Variants in KDM2A observed in about 807,000 individuals in gnomAD.
KDM2A encodes the protein lysine demethylase 2A, also known as lysine-specific demethylase 2A.
KDM2A carries 3 observed loss-of-function variants against 137.3 expected under a neutral mutation model. The ratio of observed to expected loss-of-function variants is 0.02; its 90% CI spans 0.01 to 0.06. The LOEUF is 0.06. Among genes scored for constraint, KDM2A ranks in the 10% least tolerant of loss-of-function variants. The pLI is 1.00. For missense variants in KDM2A, 738 were observed against 1,510.6 expected, an observed-to-expected ratio of 0.49 and a Z score of 8.48; for synonymous variants, 512 against 541.5, an observed-to-expected ratio of 0.95 and a Z score of 0.76.
intron 2 of KDM2A, among the ~76,000 whole-genome samples, chr11:67,168,489 A>G (rs1322229372): frequency 6.6e-6 from 1 of 151,762 alleles, no homozygotes. Context: ...TAATTTTTGT[A>G]TACAGAGTGT....
At chr11:67,206,688 G>A (rs1364551418) in intron 5 of KDM2A, among the ~76,000 whole-genome samples, 1 of 151,922 alleles carries the variant, frequency 6.6e-6, no homozygotes, top group Non-Finnish European at 1.5e-5. Context: ...AGTGAGCCGA[G>A]AGCGTGCCAC....
At chr11:67,181,455 G>C in intron 4 of KDM2A, 57 bp downstream of exon 4, 1 of 1,119,270 alleles carries the variant, frequency 8.9e-7, no homozygotes. Flanking sequence ...TACACCCAGG[G>C]CAATAAACAG....
intron 2 of KDM2A, among the ~76,000 whole-genome samples, chr11:67,147,796 A>G (rs577067431): frequency 1.2e-3 from 181 of 151,470 alleles, no homozygotes; most frequent in African/African-American, 4.2e-3. Flanking sequence ...TCCAGCCTCA[A>G]CCTTCCAAGT....
intron 2 of KDM2A, among the ~76,000 whole-genome samples, chr11:67,175,474 C>G (rs191741693): frequency 1.3e-5 from 2 of 152,264 alleles, no homozygotes; most frequent in Admixed American, 1.3e-4. Context: ...CACACTGTTG[C>G]CAACTTTCCA....
chr11:67,230,808 T>G (rs1858689188), intron 11 of KDM2A, among the ~76,000 whole-genome samples: 1 of 152,196 alleles, frequency 6.6e-6, no homozygotes. Context: ...AAAAGACTGG[T>G]GAACATTTAT....
intron 17 of KDM2A, chr11:67,252,291 C>A (rs1859452906): frequency 4.6e-6 from 1 of 219,570 alleles, no homozygotes; most frequent in African/African-American, 2.3e-5. Flanking sequence ...AGCAGGCCTT[C>A]TTAGCTTTAG....
At chr11:67,184,890 A>G (rs1857170068) in intron 5 of KDM2A, among the ~76,000 whole-genome samples, 1 of 152,214 alleles carries the variant, frequency 6.6e-6, no homozygotes, top group African/African-American at 2.4e-5. Flanking sequence ...TGGGGAAGGG[A>G]GAGAATTGGA....
rs745980372 is a variant in KDM2A, at chr11:67,231,561, G to A, written c.1085-5G>A. The A allele has an allele frequency of 1.3e-6, 2 of 1,580,260 alleles. No homozygotes were observed. The highest frequency in any genetic ancestry group is 1.2e-5 in the South Asian group (1 of 86,182). On this transcript the variant is annotated splice_region_variant and splice_polypyrimidine_tract_variant and intron_variant, in intron 11 of 20. Transcript: ENST00000529006. ...TCTTACTGCATTTTTTCTTCATATT[G>A]GTAGATTTGGAGTTAAATGGGTTGG...
chr11:67,127,184 A>G (rs952774424), intron 2 of KDM2A, among the ~76,000 whole-genome samples: 3 of 152,136 alleles, frequency 2.0e-5, no homozygotes, highest in African/African-American at 4.8e-5. Flanking sequence ...TGTAGCCTCA[A>G]CCGCCTGGCT....
At chr11:67,140,883 C>T (rs182090113) in intron 2 of KDM2A, among the ~76,000 whole-genome samples, 64 of 152,224 alleles carry the variant, frequency 4.2e-4, no homozygotes, top group African/African-American at 1.4e-3. Context: ...TCTGGGTTAA[C>T]GTCATGAGGT....
chr11:67,208,461 G>A (rs914412339), intron 6 of KDM2A, among the ~76,000 whole-genome samples: 5 of 151,886 alleles, frequency 3.3e-5, no homozygotes, highest in South Asian at 2.1e-4. Flanking sequence ...TGGATGTAAC[G>A]GAGAGGAATA....
intron 2 of KDM2A, among the ~76,000 whole-genome samples, chr11:67,163,853 T>C (rs367715261): frequency 2.7e-5 from 4 of 149,880 alleles, no homozygotes; most frequent in African/African-American, 9.8e-5. Context: ...ACACTCCATC[T>C]TAAAAAAAAA....
intron 2 of KDM2A, among the ~76,000 whole-genome samples, chr11:67,130,373 C>T (rs1294951940): frequency 2.0e-5 from 3 of 152,066 alleles, no homozygotes; most frequent in Non-Finnish European, 4.4e-5. Context: ...TCAAACTCCT[C>T]ACCTCCAGTG....
chr11:67,169,734 T>C (rs1388380346), intron 2 of KDM2A, among the ~76,000 whole-genome samples: 5 of 40,280 alleles, frequency 1.2e-4, no homozygotes, highest in African/African-American at 3.9e-4. Context: ...TCTCTCTCCT[T>C]CTCTCTCTCT....
At chr11:67,242,875 GC>G in intron 12 of KDM2A, 133 bp from the exon 13 acceptor site, 1 of 626,844 alleles carries the variant, frequency 1.6e-6, no homozygotes, top group Non-Finnish European at 2.9e-6. Context: ...TATATGAAGG[GC>G]AAATACAGAC....
intron 5 of KDM2A, among the ~76,000 whole-genome samples, chr11:67,205,246 T>C (rs1422275325): frequency 6.6e-6 from 1 of 152,202 alleles, no homozygotes; most frequent in Non-Finnish European, 1.5e-5. Flanking sequence ...TGACATTCAC[T>C]TTTTCTTTTA....
In KDM2A at chr11:67,255,494, C is replaced by T. The variant is rs1185226282; in HGVS notation, c.*439C>T. The stretch of plus-strand genomic sequence containing the variant: ...CTCCATGGCCAGGTTCTTGTGGTGT[C>T]CAGTGCGCGTCTCTCCTCCATCACA... On this transcript the variant is annotated 3_prime_UTR_variant, in exon 21 of 21. Transcript: ENST00000529006. The T allele has an allele frequency of 4.4e-6, 2 of 458,014 alleles. No homozygotes were observed. Among genetic ancestry groups the T allele is most frequent in the South Asian group, 3.1e-5 (2 of 64,576 alleles). 28.4% of individuals were successfully genotyped at this position (458,014 alleles called of 1,614,324 possible).
chr11:67,247,131 C>G (rs1859273670), intron 15 of KDM2A, among the ~76,000 whole-genome samples: 1 of 98,438 alleles, frequency 1.0e-5, no homozygotes, highest in Admixed American at 1.6e-4. Context: ...CTCCTTTTGC[C>G]TAGGCTAGAG....
intron 18 of KDM2A, among the ~76,000 whole-genome samples, chr11:67,253,193 C>T (rs954133553): frequency 2.0e-5 from 3 of 152,172 alleles, no homozygotes; most frequent in Non-Finnish European, 4.4e-5. Context: ...TTGTTCTCTT[C>T]AGCATTTTGA....
Sources: allele counts gnomAD v4.1 joint callset (sites outside exome capture counted in the v4.1 genomes callset), GRCh38; gene constraint gnomAD v4.1.1; transcripts MANE v1.5; gene names NCBI Gene and HGNC (gene_info 2026-07-23, HGNC 2026-07-21).